Variants in VPS13B observed in about 807,000 individuals in gnomAD.
VPS13B encodes the protein intermembrane lipid transfer protein VPS13B.
A neutral mutation model predicts 426.4 loss-of-function variants in VPS13B; 285 were observed. That is an observed-to-expected ratio of 0.67 (90% CI 0.61 to 0.74). The LOEUF (loss-of-function observed/expected upper bound fraction) is 0.74. VPS13B is among the 30% of genes least tolerant of loss of function. The pLI, the probability that VPS13B is intolerant of heterozygous loss-of-function variation, is 0.00. For synonymous variants in VPS13B, 1,676 were observed against 1,676.4 expected, an observed-to-expected ratio of 1.00 and a Z score of 0.01; for missense variants, 4,537 against 4,782.6, an observed-to-expected ratio of 0.95 and a Z score of 1.51.
intron 3 of VPS13B, among the ~76,000 whole-genome samples, chr8:99,090,098 G>T (rs904049435): frequency 2.0e-4 from 31 of 152,000 alleles, no homozygotes; most frequent in Admixed American, 3.9e-4. Context: ...AGTTTGGAAT[G>T]CCTATGGCTT....
intron 59 of VPS13B, among the ~76,000 whole-genome samples, chr8:99,868,874 C>T (rs1433437430): frequency 6.6e-6 from 1 of 152,154 alleles, no homozygotes; most frequent in Middle Eastern, 3.2e-3. Flanking sequence ...GCACATGGGT[C>T]TTTGGGTGTG....
At position 99,532,520 on chromosome 8, in the gene VPS13B, C is replaced by G. The variant is rs191337982; in HGVS notation, c.4745+11510C>G. On this transcript the variant is annotated intron_variant, in intron 30 of 61. Coordinates refer to ENST00000357162, the MANE Select transcript of VPS13B (RefSeq NM_152564.5). ...GATAGGGAGCTGATTCACTTTTCAC[C>G]CTTAGAAGACATGTGTTAGTAAAAT... 9.2e-4 allele frequency among the ~76,000 whole-genome samples: 140 copies of G among 151,956 alleles called. 1 individual carries two copies. Among genetic ancestry groups the G allele is most frequent in the Non-Finnish European group, 1.5e-3 (102 of 67,952 alleles).
chr8:99,443,783 C>T (rs1251135087), intron 23 of VPS13B, among the ~76,000 whole-genome samples: 1 of 152,026 alleles, frequency 6.6e-6, no homozygotes, highest in East Asian at 1.9e-4. Context: ...ATAAACATTC[C>T]TTTACAGGAT....
At chr8:99,853,350 C>T in intron 55 of VPS13B, 101 bp from the exon 56 acceptor site, 1 of 1,183,978 alleles carries the variant, frequency 8.4e-7, no homozygotes, top group Non-Finnish European at 1.2e-6. Flanking sequence ...ATCTGATGTC[C>T]CATCAGGAGG....
chr8:99,115,971 C>A, intron 7 of VPS13B, 97 bp downstream of exon 7: 1 of 1,271,008 alleles, frequency 7.9e-7, no homozygotes, highest in Non-Finnish European at 1.1e-6. Context: ...TTGAGTTTTA[C>A]AGTATTCTAA....
At chr8:99,477,519 T>G (rs1819763567) in intron 24 of VPS13B, among the ~76,000 whole-genome samples, 1 of 152,238 alleles carries the variant, frequency 6.6e-6, no homozygotes, top group Non-Finnish European at 1.5e-5. Flanking sequence ...TGTGAGCTTT[T>G]GACTGTAGCC....
intron 17 of VPS13B, among the ~76,000 whole-genome samples, chr8:99,197,491 C>G (rs905265763): frequency 6.6e-6 from 1 of 152,096 alleles, no homozygotes; most frequent in African/African-American, 2.4e-5. Context: ...TTGGTCTACT[C>G]GTATTTTCCA....
rs149495408 is a variant in VPS13B at position 99,586,573 on chromosome 8, C to T, written c.5220+8940C>T. Among the ~76,000 whole-genome samples the T allele has an allele frequency of 4.6e-5, 7 of 152,204 alleles. No individual in the cohort carries two copies. In the East Asian group the frequency reaches 1.4e-3, roughly 29 times the overall value. On this transcript the variant is annotated intron_variant, in intron 33 of 61. Coordinates refer to ENST00000357162, the MANE Select transcript of VPS13B (RefSeq NM_152564.5). ...TTTTAATATAAGGCTGATTCTGAAT[C>T]AGATTAATCAAATGCATGTTAAATT...
chr8:99,596,828 T>A (rs1266716894), intron 33 of VPS13B, among the ~76,000 whole-genome samples: 1 of 152,030 alleles, frequency 6.6e-6, no homozygotes, highest in Non-Finnish European at 1.5e-5. Context: ...ATTGTTTTTC[T>A]GCTGTGTGCC....
At chr8:99,592,253 A>G (rs1188311977) in intron 33 of VPS13B, among the ~76,000 whole-genome samples, 1 of 152,002 alleles carries the variant, frequency 6.6e-6, no homozygotes, top group African/African-American at 2.4e-5. Context: ...CTTGCGATGC[A>G]TTCGAACATC....
intron 39 of VPS13B, among the ~76,000 whole-genome samples, chr8:99,740,151 A>G (rs537274331): frequency 4.7e-4 from 72 of 152,340 alleles, no homozygotes; most frequent in African/African-American, 1.5e-3. Flanking sequence ...GCTGCAAACC[A>G]CAGCACAAGA....
At chr8:99,384,944 G>T (rs1303689452) in intron 20 of VPS13B, among the ~76,000 whole-genome samples, 2 of 152,158 alleles carry the variant, frequency 1.3e-5, no homozygotes. Flanking sequence ...CTCCCAAAAT[G>T]CTGGGATTGC....
rs558161506 is a variant in VPS13B at position 99,812,287 on chromosome 8, A to G, written c.8097+2757A>G. On this transcript the variant is annotated intron_variant, in intron 44 of 61. Coordinates refer to ENST00000357162, the MANE Select transcript of VPS13B (RefSeq NM_152564.5). ...TTCAGATTTGTTCTGGTTAAAGTAC[A>G]TCAGAGACGTAGGATTTCCTCAATT... 3.9e-5 allele frequency among the ~76,000 whole-genome samples: 6 copies of G among 152,324 alleles called. No homozygotes were observed. In the South Asian group the frequency reaches 1.2e-3, roughly 32 times the overall value.
At chr8:99,845,272 G>A (rs1188782652) in intron 54 of VPS13B, among the ~76,000 whole-genome samples, 1 of 151,896 alleles carries the variant, frequency 6.6e-6, no homozygotes, top group Non-Finnish European at 1.5e-5. Flanking sequence ...GTCCTCAGGG[G>A]GTTTTGTTCT....
At chr8:99,313,152 CCTT>C (rs1821108292) in intron 19 of VPS13B, among the ~76,000 whole-genome samples, 1 of 152,170 alleles carries the variant, frequency 6.6e-6, no homozygotes, top group Admixed American at 6.5e-5. Flanking sequence ...TCGTCTGAAG[CCTT>C]CTTCTCTCAA....
intron 35 of VPS13B, among the ~76,000 whole-genome samples, chr8:99,670,151 G>A (rs1485927907): frequency 6.6e-6 from 1 of 152,042 alleles, no homozygotes; most frequent in Non-Finnish European, 1.5e-5. Flanking sequence ...TTATTACTCA[G>A]TGGGGATTAA....
At chr8:99,027,991 T>G (rs1842225554) in intron 2 of VPS13B, among the ~76,000 whole-genome samples, 1 of 152,162 alleles carries the variant, frequency 6.6e-6, no homozygotes, top group Non-Finnish European at 1.5e-5. Context: ...TAACCCTGAG[T>G]GGACACAGCA....
chr8:99,427,339 A>G (rs1563724171), intron 21 of VPS13B, among the ~76,000 whole-genome samples: 1 of 128,246 alleles, frequency 7.8e-6, no homozygotes, highest in Non-Finnish European at 1.6e-5. Context: ...GTTTGAAGTC[A>G]GGTAGTGTGA....
Position 99,778,902 on chromosome 8 carries a change from G to A in VPS13B, c.7650G>A (p.Gly2550=). 1.9e-6 allele frequency: 3 copies of A among 1,613,966 alleles called. No homozygotes were observed. Among genetic ancestry groups the A allele is most frequent in the Non-Finnish European group, 1.7e-6 (2 of 1,179,914 alleles). Reference sequence around the variant, plus strand: ...TGGTGAAACCCTTCAGCATCTTCGGGCAGATGGCAGTTTCCAGCGATGTAG... The same window carrying A: ...TGGTGAAACCCTTCAGCATCTTCGGACAGATGGCAGTTTCCAGCGATGTAG... ...QSVVKPFSIF[G]QMAVSSDVVE... Residue 2550 remains glycine (G), a synonymous_variant, in exon 42 of 62, where the codon GGG becomes GGA. Transcript: ENST00000357162.
Sources: allele counts gnomAD v4.1 joint callset (sites outside exome capture counted in the v4.1 genomes callset), GRCh38; gene constraint gnomAD v4.1.1; transcripts MANE v1.5; gene names NCBI Gene and HGNC (gene_info 2026-07-23, HGNC 2026-07-21).